NAV3: variants seen among roughly 807,000 people sequenced by gnomAD.
The protein encoded by NAV3 is pore membrane and/or filament interacting like protein 1.
A neutral mutation model predicts 244.7 loss-of-function variants in NAV3; 87 were observed. The ratio of observed to expected loss-of-function variants is 0.36; its 90% CI spans 0.30 to 0.42. The LOEUF (loss-of-function observed/expected upper bound fraction) is 0.42. Ranked by LOEUF, NAV3 falls within the 20% of genes least tolerant of loss-of-function variation. NAV3 has a pLI of 1.00. For missense variants in NAV3, 2,663 were observed against 2,893.3 expected (o/e 0.92, Z 1.83); for synonymous variants, 1,126 against 1,042.2 (o/e 1.08, Z -1.55).
chr12:77,627,813 G>A (rs1871705233), intron 2 of NAV3, among the ~76,000 whole-genome samples: 1 of 152,136 alleles, frequency 6.6e-6, no homozygotes, highest in Non-Finnish European at 1.5e-5. Context: ...TAAAGAAAAT[G>A]TGGTATATAT....
At chr12:77,580,274 ATAAC>A (rs1869300938) in intron 2 of NAV3, among the ~76,000 whole-genome samples, 2 of 151,872 alleles carry the variant, frequency 1.3e-5, no homozygotes, top group African/African-American at 4.8e-5. Flanking sequence ...AGATGGAAGT[ATAAC>A]TAATAAATCA....
chr12:77,630,411 A>G (rs530026940), intron 2 of NAV3, among the ~76,000 whole-genome samples: 30 of 152,314 alleles, frequency 2.0e-4, no homozygotes, highest in African/African-American at 7.0e-4. Context: ...AAGGATTTCA[A>G]CTGAAAACTA....
At chr12:77,759,523 A>G (rs540501829) in intron 2 of NAV3, among the ~76,000 whole-genome samples, 1 of 152,356 alleles carries the variant, frequency 6.6e-6, no homozygotes, top group South Asian at 2.1e-4. Context: ...ATACATGTAA[A>G]GCTTTAAATA....
At chr12:77,882,400 C>A (rs1161574016) in intron 1 of NAV3, among the ~76,000 whole-genome samples, 1 of 152,068 alleles carries the variant, frequency 6.6e-6, no homozygotes, top group East Asian at 1.9e-4. Flanking sequence ...GAAACAGGAC[C>A]TTTACCTTTC....
chr12:78,014,270 A>G (rs12229335), intron 8 of NAV3, among the ~76,000 whole-genome samples: 30,938 of 151,998 alleles, frequency 0.2, 3,366 homozygotes, highest in Middle Eastern at 0.27. Flanking sequence ...GTAAATACCA[A>G]GGAAACAATG....
intron 9 of NAV3, among the ~76,000 whole-genome samples, chr12:78,030,749 T>A (rs575910175): frequency 1.3e-5 from 2 of 151,962 alleles, no homozygotes; most frequent in African/African-American, 4.8e-5. Flanking sequence ...AATGAATAAA[T>A]AGGCACATGG....
chr12:78,007,513 G>A (rs563691915), intron 8 of NAV3, 68 bp downstream of exon 8: 1 of 1,485,904 alleles, frequency 6.7e-7, no homozygotes, highest in Non-Finnish European at 9.0e-7. Context: ...GAGTGTAATA[G>A]GGAAGGCTGA....
chr12:77,606,601 C>A (rs960742021), intron 2 of NAV3, among the ~76,000 whole-genome samples: 1 of 152,040 alleles, frequency 6.6e-6, no homozygotes, highest in Non-Finnish European at 1.5e-5. Context: ...TTACTGAGTT[C>A]ATCTGTTATA....
In NAV3 at chr12:77,951,768, A is replaced by G. The variant is rs981082368; in HGVS notation, c.414+10635A>G. On this transcript the variant is annotated intron_variant, in intron 3 of 39. Transcript: ENST00000397909. ...AAAAGGGTGAGTTCATGTCCTTTGT[A>G]GGGACATGGATGAAGCTGGAAACCA... 5.5e-4 allele frequency among the ~76,000 whole-genome samples: 84 copies of G among 152,188 alleles called. 1 individual carries two copies. Among genetic ancestry groups the G allele is most frequent in the Non-Finnish European group, 1.3e-4 (9 of 68,036 alleles).
At chr12:77,756,953 T>G (rs534632872) in intron 2 of NAV3, among the ~76,000 whole-genome samples, 58 of 152,318 alleles carry the variant, frequency 3.8e-4, no homozygotes, top group Non-Finnish European at 1.0e-4. Flanking sequence ...ACTACTCCCA[T>G]AAGAAGAAAA....
intron 9 of NAV3, among the ~76,000 whole-genome samples, chr12:78,042,188 C>T (rs1880977588): frequency 6.6e-6 from 1 of 152,238 alleles, no homozygotes. Context: ...TCTAGACTCA[C>T]TGGCTTTAGA....
intron 18 of NAV3, among the ~76,000 whole-genome samples, chr12:78,136,502 A>G (rs1026423487): frequency 6.6e-6 from 1 of 152,218 alleles, no homozygotes; most frequent in Non-Finnish European, 1.5e-5. Flanking sequence ...GAAATATAAC[A>G]TGTTTGTGAC....
At chr12:77,670,390 T>C (rs1031266229) in intron 2 of NAV3, among the ~76,000 whole-genome samples, 6 of 152,066 alleles carry the variant, frequency 3.9e-5, no homozygotes, top group Admixed American at 6.6e-5. Flanking sequence ...TCCAATCCTA[T>C]TGACACTATT....
At chr12:78,116,929 C>A (rs953733221) in intron 13 of NAV3, 25 bp downstream of exon 13, 4 of 1,607,216 alleles carry the variant, frequency 2.5e-6, no homozygotes, top group Non-Finnish European at 3.4e-6. Context: ...CTTTCTTTTT[C>A]CAGTGTTTCT....
intron 3 of NAV3, among the ~76,000 whole-genome samples, chr12:77,962,841 A>G (rs1408056562): frequency 6.6e-6 from 1 of 152,196 alleles, no homozygotes; most frequent in Non-Finnish European, 1.5e-5. Context: ...GTAAAGTATT[A>G]TTCCGTGAAA....
At chr12:78,037,084 G>T (rs138836129) in intron 9 of NAV3, 1 of 702,930 alleles carries the variant, frequency 1.4e-6, no homozygotes, top group East Asian at 2.7e-5. Context: ...TTTCTCTCGC[G>T]GTCTGTGCAG....
At chr12:77,998,664 A>G (rs1333699596) in intron 7 of NAV3, among the ~76,000 whole-genome samples, 188 bp downstream of exon 7, 2 of 152,198 alleles carry the variant, frequency 1.3e-5, no homozygotes, top group African/African-American at 4.8e-5. Flanking sequence ...TAAACAAATA[A>G]ACTCATTCAT....
At chr12:78,105,636 A>G (rs1954763020) in intron 12 of NAV3, among the ~76,000 whole-genome samples, 1 of 152,092 alleles carries the variant, frequency 6.6e-6, no homozygotes, top group African/African-American at 2.4e-5. Flanking sequence ...GTTAGTAAGA[A>G]TTTTAAGGAT....
At chr12:78,166,853 TC>T (rs2139523100) in intron 23 of NAV3, among the ~76,000 whole-genome samples, 1 of 151,838 alleles carries the variant, frequency 6.6e-6, no homozygotes, top group East Asian at 1.9e-4. Context: ...GAGGTCTCAT[TC>T]CCAATTTTTT....
Sources: gnomAD v4.1 joint callset for allele counts (sites outside exome capture counted in the v4.1 genomes callset) on GRCh38, gnomAD v4.1.1 for gene constraint, MANE v1.5 for transcripts, NCBI Gene and HGNC (gene_info 2026-07-23, HGNC 2026-07-21) for gene names.